Variants in RBFOX1 observed in about 807,000 individuals in gnomAD.
The protein encoded by RBFOX1 is RNA binding fox-1 homolog 1.
A neutral mutation model predicts 57.7 loss-of-function variants in RBFOX1; 8 were observed. The observed-to-expected ratio is 0.14, with a 90% CI of 0.08 to 0.25. RBFOX1 has a LOEUF of 0.25. Among genes scored for constraint, RBFOX1 ranks in the 10% least tolerant of loss-of-function variants. The pLI, the probability that RBFOX1 is intolerant of heterozygous loss-of-function variation, is 1.00. For missense variants in RBFOX1, 611 were observed against 548.5 expected (o/e 1.11, Z -1.14); for synonymous variants, 326 against 222.4 (o/e 1.47, Z -4.15).
intron 4 of RBFOX1, among the ~76,000 whole-genome samples, chr16:7,279,504 G>A (rs975866284): frequency 3.9e-5 from 6 of 152,146 alleles, no homozygotes; most frequent in South Asian, 2.1e-4. Flanking sequence ...CAGTGGCCAC[G>A]GAAACCAGCC....
chr16:5,267,566 C>T (rs957806791), intron 1 of RBFOX1, among the ~76,000 whole-genome samples: 6 of 151,364 alleles, frequency 4.0e-5, no homozygotes, highest in African/African-American at 9.7e-5. Flanking sequence ...CTAAAGTGTT[C>T]GGGTTACAGG....
At chr16:6,856,411 G>A (rs1003031922) in intron 3 of RBFOX1, among the ~76,000 whole-genome samples, 4 of 152,090 alleles carry the variant, frequency 2.6e-5, no homozygotes, top group Non-Finnish European at 5.9e-5. Flanking sequence ...TAGGATTTAG[G>A]TGAGCAATCC....
At chr16:6,344,979 C>A (rs1599863151) in intron 2 of RBFOX1, among the ~76,000 whole-genome samples, 1 of 152,076 alleles carries the variant, frequency 6.6e-6, no homozygotes, top group East Asian at 1.9e-4. Context: ...CTTACAGAAT[C>A]TTTGTGAGCA....
chr16:6,975,971 A>G (rs1302798132), intron 3 of RBFOX1, among the ~76,000 whole-genome samples: 4 of 152,102 alleles, frequency 2.6e-5, no homozygotes, highest in African/African-American at 9.7e-5. Context: ...ACTAAAAAAT[A>G]CAAAAATTAG....
chr16:7,709,447 C>T (rs1226846752), intron 15 of RBFOX1: 3 of 1,309,534 alleles, frequency 2.3e-6, no homozygotes, highest in South Asian at 1.6e-5. Context: ...CAATGCAGAA[C>T]TTTTTTTTTT....
chr16:7,623,584 A>G (rs771501254), intron 10 of RBFOX1, among the ~76,000 whole-genome samples: 1 of 152,180 alleles, frequency 6.6e-6, no homozygotes, highest in Non-Finnish European at 1.5e-5. Flanking sequence ...AGTAACATGA[A>G]CAATGAGGAG....
intron 4 of RBFOX1, among the ~76,000 whole-genome samples, chr16:7,169,711 C>A (rs1223476595): frequency 6.6e-6 from 1 of 152,166 alleles, no homozygotes; most frequent in African/African-American, 2.4e-5. Flanking sequence ...TATTTTGTTG[C>A]ATATGATGAT....
chr16:5,995,681 G>A (rs2060477939), intron 4 of RBFOX1, among the ~76,000 whole-genome samples: 2 of 152,166 alleles, frequency 1.3e-5, no homozygotes, highest in Admixed American at 1.3e-4. Context: ...TCCAGATTAT[G>A]TTCAAGCTTG....
intron 3 of RBFOX1, among the ~76,000 whole-genome samples, chr16:6,931,352 C>T (rs1274010249): frequency 2.0e-5 from 3 of 149,554 alleles, no homozygotes; most frequent in African/African-American, 5.0e-5. Context: ...CACACACACA[C>T]ACACACACAC....
At chr16:5,357,320 C>G (rs969453621) in intron 1 of RBFOX1, among the ~76,000 whole-genome samples, 4 of 152,190 alleles carry the variant, frequency 2.6e-5, no homozygotes, top group Non-Finnish European at 5.9e-5. Flanking sequence ...AATTAGAGAC[C>G]TCTCCCAGGA....
At position 6,869,892 on chromosome 16, in the gene RBFOX1, G is replaced by A. The variant is rs76671703; in HGVS notation, c.-15-182165G>A. 6.6e-3 allele frequency among the ~76,000 whole-genome samples: 1,001 copies of A among 152,256 alleles called. 16 individuals carry two copies. The highest frequency in any genetic ancestry group is 0.023 in the African/African-American group (948 of 41,546). On this transcript the variant is annotated intron_variant, in intron 3 of 15. Transcript: ENST00000550418. ...TTCAGAACGTATATGTCTCCCCGCA[G>A]TAAAAGCAATTCAAAGCCATAAATT...
chr16:5,761,795 C>T (rs530477224), intron 3 of RBFOX1, among the ~76,000 whole-genome samples: 2 of 152,286 alleles, frequency 1.3e-5, no homozygotes, highest in Admixed American at 1.3e-4. Context: ...TGAGATGGCA[C>T]ATTCTCTGGG....
chr16:7,497,985 C>G (rs1048100940), intron 4 of RBFOX1, among the ~76,000 whole-genome samples: 1 of 152,182 alleles, frequency 6.6e-6, no homozygotes, highest in African/African-American at 2.4e-5. Flanking sequence ...CTTTTAAAAG[C>G]TTTTACCTCT....
chr16:6,457,437 G>GGCCCCCCCC (rs1240682051), intron 2 of RBFOX1, among the ~76,000 whole-genome samples: 1 of 36,218 alleles, frequency 2.8e-5, no homozygotes, highest in Non-Finnish European at 5.5e-5. Flanking sequence ...ATTTCCGGAA[G>GGCCCCCCCC]TCCCCCCCCC....
At chr16:5,999,971 G>A (rs966113347) in intron 4 of RBFOX1, among the ~76,000 whole-genome samples, 1 of 149,610 alleles carries the variant, frequency 6.7e-6, no homozygotes, top group Admixed American at 6.7e-5. Flanking sequence ...ATGTTACTGA[G>A]CGGACCACAG....
chr16:7,364,569 G>C (rs1415317459), intron 4 of RBFOX1, among the ~76,000 whole-genome samples: 1 of 94,890 alleles, frequency 1.1e-5, no homozygotes, highest in South Asian at 3.2e-4. Flanking sequence ...ATGATATCAA[G>C]AAGACCAAAA....
chr16:6,475,371 A>G (rs1294313458), intron 2 of RBFOX1, among the ~76,000 whole-genome samples: 2 of 152,176 alleles, frequency 1.3e-5, no homozygotes, highest in Non-Finnish European at 2.9e-5. Context: ...CGGTTGCAAT[A>G]ATTCTGTTTC....
chr16:5,333,710 A>G (rs1567347407), intron 1 of RBFOX1, among the ~76,000 whole-genome samples: 1 of 152,218 alleles, frequency 6.6e-6, no homozygotes, highest in African/African-American at 2.4e-5. Flanking sequence ...ATACAAACCT[A>G]GATGGTATAG....
intron 3 of RBFOX1, among the ~76,000 whole-genome samples, chr16:6,930,150 A>G (rs549803661): frequency 6.6e-6 from 1 of 152,326 alleles, no homozygotes; most frequent in South Asian, 2.1e-4. Flanking sequence ...CTAGGGAAAT[A>G]AAGAGAAGAG....
Sources: allele counts gnomAD v4.1 joint callset (sites outside exome capture counted in the v4.1 genomes callset), GRCh38; gene constraint gnomAD v4.1.1; transcripts MANE v1.5; gene names NCBI Gene and HGNC (gene_info 2026-07-23, HGNC 2026-07-21).